Variants in VAV1 observed in about 807,000 individuals in gnomAD.
VAV1 encodes the protein proto-oncogene vav.
Under a neutral mutation model 128.1 loss-of-function variants are expected in VAV1, and 33 were observed. The ratio of observed to expected loss-of-function variants is 0.26; its 90% CI spans 0.20 to 0.34. The LOEUF (loss-of-function observed/expected upper bound fraction) is 0.34. Among genes scored for constraint, VAV1 ranks in the 10% least tolerant of loss-of-function variants. The pLI is 1.00. For missense variants in VAV1, 715 were observed against 1,093.7 expected (o/e 0.65, Z 4.88); for synonymous variants, 394 against 409.8 (o/e 0.96, Z 0.47).
chr19:6,854,584 C>T (rs147740863), intron 26 of VAV1, among the ~76,000 whole-genome samples: 17 of 151,832 alleles, frequency 1.1e-4, no homozygotes, highest in African/African-American at 2.9e-4. Context: ...ATTAGTTGGG[C>T]GTGGTAGTGT....
chr19:6,784,450 A>C (rs1033618314), intron 1 of VAV1, among the ~76,000 whole-genome samples: 1 of 149,290 alleles, frequency 6.7e-6, no homozygotes, highest in Non-Finnish European at 1.5e-5. Context: ...GGCATCTAGG[A>C]GGGTCAGCAC....
chr19:6,833,364 T>G (rs1268703580), intron 16 of VAV1, 79 bp downstream of exon 16: 2 of 1,470,852 alleles, frequency 1.4e-6, no homozygotes, highest in Non-Finnish European at 9.3e-7. Flanking sequence ...TAGTAATTGG[T>G]TCCCTAAATT....
intron 15 of VAV1, among the ~76,000 whole-genome samples, chr19:6,832,683 T>C (rs372443292): frequency 7.0e-6 from 1 of 142,822 alleles, no homozygotes; most frequent in Non-Finnish European, 1.5e-5. Context: ...CCTCCTCTTC[T>C]TTCTCTTCCT....
At chr19:6,825,268 C>G in intron 7 of VAV1, 35 bp from the exon 8 acceptor site, 2 of 1,595,204 alleles carry the variant, frequency 1.3e-6, no homozygotes, top group Non-Finnish European at 1.7e-6. Context: ...GAGCCCTGGG[C>G]TCTGGTCCCA....
chr19:6,838,892 CTTTATTTA>C lies in VAV1; in HGVS notation c.1980+1863_1980+1870del, dbSNP rs147546726. ...CACAGATGCAAGCCATTATGCTCAG[CTTTATTTA>C]TTTATTTATTTATTTATTTAAGATG... On this transcript the variant is annotated intron_variant, in intron 21 of 26. Transcript: ENST00000602142. 5.3e-5 allele frequency among the ~76,000 whole-genome samples: 8 copies of C among 149,966 alleles called. No homozygotes were observed. In the East Asian group the frequency reaches 1.2e-3, roughly 22 times the overall value.
chr19:6,843,527 G>A (rs1972432935), intron 22 of VAV1, among the ~76,000 whole-genome samples: 1 of 152,112 alleles, frequency 6.6e-6, no homozygotes, highest in Admixed American at 6.6e-5. Flanking sequence ...AAGCATATAG[G>A]GGTGGAGGTT....
At chr19:6,774,416 C>T (rs1380817110) in intron 1 of VAV1, among the ~76,000 whole-genome samples, 1 of 144,908 alleles carries the variant, frequency 6.9e-6, no homozygotes, top group East Asian at 2.0e-4. Context: ...GTGTGAGCCA[C>T]CGCGCCCAGC....
intron 18 of VAV1, 71 bp downstream of exon 18, chr19:6,833,804 T>A: frequency 6.2e-7 from 1 of 1,613,616 alleles, no homozygotes; most frequent in Non-Finnish European, 8.5e-7. Context: ...ACCCAGGACA[T>A]CCTGGAACTG....
At chr19:6,789,527 A>G (rs1211398379) in intron 1 of VAV1, among the ~76,000 whole-genome samples, 2 of 151,866 alleles carry the variant, frequency 1.3e-5, no homozygotes, top group Non-Finnish European at 2.9e-5. Flanking sequence ...CTGGGATTTC[A>G]GGCATGAGCC....
At chr19:6,845,625 T>A (rs1972501917) in intron 22 of VAV1, among the ~76,000 whole-genome samples, 1 of 150,680 alleles carries the variant, frequency 6.6e-6, no homozygotes, top group African/African-American at 2.4e-5. Context: ...ATACCACATA[T>A]CATAAAATAT....
intron 1 of VAV1, among the ~76,000 whole-genome samples, chr19:6,774,101 C>A (rs964404589): frequency 3.3e-5 from 5 of 151,980 alleles, no homozygotes; most frequent in Admixed American, 2.0e-4. Flanking sequence ...GAGATCCATG[C>A]GCCTTTACTC....
intron 19 of VAV1, chr19:6,835,707 A>G (rs1407272202): frequency 2.6e-5 from 4 of 152,210 alleles, no homozygotes; most frequent in African/African-American, 9.6e-5. Context: ...GCCTGTAGCA[A>G]TAGCTTGTTC....
chr19:6,797,263 TGAA>T, intron 1 of VAV1, among the ~76,000 whole-genome samples: 1 of 150,076 alleles, frequency 6.7e-6, no homozygotes, highest in Non-Finnish European at 1.5e-5. Flanking sequence ...GCATAGTGAA[TGAA>T]GGAGTGTCTG....
chr19:6,774,371 G>A (rs898125625), intron 1 of VAV1, among the ~76,000 whole-genome samples: 8 of 143,608 alleles, frequency 5.6e-5, no homozygotes, highest in Non-Finnish European at 9.0e-5. Flanking sequence ...CTCATGATCC[G>A]CCCACCTCGG....
intron 15 of VAV1, 86 bp from the exon 16 acceptor site, chr19:6,833,098 G>A (rs1393080865): frequency 2.4e-6 from 3 of 1,249,306 alleles, no homozygotes; most frequent in Non-Finnish European, 2.2e-6. Flanking sequence ...AACGTGGTCT[G>A]TTCATACCAT....
At chr19:6,853,699 C>A (rs992386295) in intron 25 of VAV1, among the ~76,000 whole-genome samples, 15 of 151,654 alleles carry the variant, frequency 9.9e-5, no homozygotes, top group African/African-American at 3.6e-4. Context: ...CCACCGCACT[C>A]CAGTCTGGGT....
intron 1 of VAV1, among the ~76,000 whole-genome samples, chr19:6,819,544 C>G (rs1341381979): frequency 6.6e-6 from 1 of 152,202 alleles, no homozygotes; most frequent in Non-Finnish European, 1.5e-5. Flanking sequence ...CAGTATTTTG[C>G]TCCTTTTTTA....
chr19:6,834,006 G>T (rs1416160545), intron 19 of VAV1, 53 bp downstream of exon 19: 1 of 1,611,716 alleles, frequency 6.2e-7, no homozygotes, highest in Non-Finnish European at 8.5e-7. Context: ...CATCTCTATT[G>T]ATGTTGACCC....
At chr19:6,791,889 A>T (rs963859116) in intron 1 of VAV1, among the ~76,000 whole-genome samples, 5 of 152,152 alleles carry the variant, frequency 3.3e-5, no homozygotes, top group Non-Finnish European at 7.3e-5. Context: ...CCCTAAGGTG[A>T]GAAGAATCAG....
Sources: gnomAD v4.1 joint callset for allele counts (sites outside exome capture counted in the v4.1 genomes callset) on GRCh38, gnomAD v4.1.1 for gene constraint, MANE v1.5 for transcripts, NCBI Gene and HGNC (gene_info 2026-07-23, HGNC 2026-07-21) for gene names.